PHLPP1: variants seen among roughly 807,000 people sequenced by gnomAD.
PHLPP1 encodes the protein PH domain and leucine rich repeat protein phosphatase 1, also known as PH domain leucine-rich repeat-containing protein phosphatase 1.
PHLPP1 carries 42 observed loss-of-function variants against 117.2 expected under a neutral mutation model. The ratio of observed to expected loss-of-function variants is 0.36; its 90% CI spans 0.28 to 0.46. The LOEUF (loss-of-function observed/expected upper bound fraction) is 0.46. Among genes scored for constraint, PHLPP1 ranks in the 20% least tolerant of loss-of-function variants. The pLI is 1.00. For missense variants in PHLPP1, 2,084 were observed against 2,241.9 expected, an observed-to-expected ratio of 0.93 and a Z score of 1.42; for synonymous variants, 1,042 against 970.7, an observed-to-expected ratio of 1.07 and a Z score of -1.37.
At chr18:62,893,875 G>A (rs1406794585) in intron 4 of PHLPP1, among the ~76,000 whole-genome samples, 1 of 152,168 alleles carries the variant, frequency 6.6e-6, no homozygotes, top group Non-Finnish European at 1.5e-5. Context: ...AACAAAAATA[G>A]AGGAAAAAGA....
intron 15 of PHLPP1, among the ~76,000 whole-genome samples, chr18:62,974,106 C>T (rs1911125366): frequency 6.6e-6 from 1 of 152,160 alleles, no homozygotes; most frequent in South Asian, 2.1e-4. Context: ...CACCCTCAAG[C>T]ACTGGGTAAG....
intron 6 of PHLPP1, among the ~76,000 whole-genome samples, 162 bp from the exon 7 acceptor site, chr18:62,902,802 C>G (rs1204236094): frequency 6.6e-6 from 1 of 152,162 alleles, no homozygotes; most frequent in East Asian, 1.9e-4. Flanking sequence ...AAAATAGATA[C>G]TCTGGCTAGT....
At chr18:62,912,891 G>A (rs770573314) in intron 8 of PHLPP1, among the ~76,000 whole-genome samples, 10 of 152,198 alleles carry the variant, frequency 6.6e-5, no homozygotes, top group Non-Finnish European at 1.0e-4. Context: ...AAAGGGCTGG[G>A]ATTATAGGCA....
At chr18:62,768,582 G>T (rs1042330375) in intron 1 of PHLPP1, among the ~76,000 whole-genome samples, 1 of 152,192 alleles carries the variant, frequency 6.6e-6, no homozygotes, top group African/African-American at 2.4e-5. Flanking sequence ...AAAATTCTCT[G>T]TCCTAAATTG....
In PHLPP1 at chr18:62,825,156, G is replaced by T. The variant is rs184508106; in HGVS notation, c.1577-4879G>T. On this transcript the variant is annotated intron_variant, in intron 1 of 16. Transcript: ENST00000262719. ...GTATTTTTAGTAGAGACGGGGTTTC[G>T]CCATCTTGGCCAGGCTGGTCTCGAG... 9.0e-4 allele frequency among the ~76,000 whole-genome samples: 136 copies of T among 151,244 alleles called. 1 individual carries two copies. Among genetic ancestry groups the T allele is most frequent in the Admixed American group, 2.4e-3 (36 of 15,174 alleles).
At chr18:62,949,605 T>C (rs941342525) in intron 12 of PHLPP1, among the ~76,000 whole-genome samples, 2 of 152,218 alleles carry the variant, frequency 1.3e-5, no homozygotes, top group Admixed American at 6.5e-5. Context: ...ATTAGTGTTA[T>C]TATCCTCACC....
At chr18:62,916,599 AGGGT>A in intron 9 of PHLPP1, among the ~76,000 whole-genome samples, 1 of 129,446 alleles carries the variant, frequency 7.7e-6, no homozygotes, top group African/African-American at 2.9e-5. Flanking sequence ...CATTAACAAG[AGGGT>A]GGGTGTGTGT....
chr18:62,899,052 G>A (rs550534214), intron 6 of PHLPP1, among the ~76,000 whole-genome samples: 4 of 152,016 alleles, frequency 2.6e-5, no homozygotes, highest in East Asian at 1.9e-4. Context: ...CAACTGCTTC[G>A]GCCTCCCAAA....
chr18:62,813,323 G>A (rs1233035391), intron 1 of PHLPP1, among the ~76,000 whole-genome samples: 2 of 152,134 alleles, frequency 1.3e-5, no homozygotes, highest in South Asian at 2.1e-4. Context: ...TCAGGCATTC[G>A]GGACTACTGA....
At chr18:62,771,035 G>A (rs535391287) in intron 1 of PHLPP1, among the ~76,000 whole-genome samples, 1 of 152,046 alleles carries the variant, frequency 6.6e-6, no homozygotes, top group South Asian at 2.1e-4. Flanking sequence ...CCAACATGGT[G>A]TAAACCTATC....
chr18:62,940,354 CTTTTTTTTTTT>C (rs66530466), intron 10 of PHLPP1, among the ~76,000 whole-genome samples: 16 of 46,814 alleles, frequency 3.4e-4, no homozygotes, highest in South Asian at 1.1e-3. Context: ...TCTTTCTTTT[CTTTTTTTTTTT>C]TTTTTTTTTT....
intron 10 of PHLPP1, among the ~76,000 whole-genome samples, chr18:62,939,481 C>T (rs148902024): frequency 6.6e-6 from 1 of 152,228 alleles, no homozygotes; most frequent in Non-Finnish European, 1.5e-5. Flanking sequence ...ATACTCTAAA[C>T]AGCGATGGTA....
chr18:62,844,646 A>C (rs969333609), intron 3 of PHLPP1, among the ~76,000 whole-genome samples: 1 of 152,194 alleles, frequency 6.6e-6, no homozygotes, highest in African/African-American at 2.4e-5. Flanking sequence ...TAACTCTAGA[A>C]GATGAGGACT....
intron 1 of PHLPP1, among the ~76,000 whole-genome samples, chr18:62,795,252 C>T (rs993071138): frequency 3.3e-5 from 5 of 151,792 alleles, no homozygotes; most frequent in East Asian, 1.9e-4. Context: ...CTGAGGTGGG[C>T]GGATTCCCTG....
chr18:62,823,817 T>C lies in PHLPP1; in HGVS notation c.1577-6218T>C, dbSNP rs1914532958. Among the ~76,000 whole-genome samples the C allele has an allele frequency of 3.9e-5, 6 of 152,078 alleles. No individual in the cohort carries two copies. In the South Asian group the frequency reaches 1.2e-3, roughly 32 times the overall value. On this transcript the variant is annotated intron_variant, in intron 1 of 16. Transcript: ENST00000262719. The stretch of plus-strand genomic sequence containing the variant: ...AAAACCATAAGGAGATACCACTACA[T>C]ATGCACTAGAATGGCTAAAAGTGTT...
chr18:62,939,638 C>CT (rs11373386), intron 10 of PHLPP1, among the ~76,000 whole-genome samples: 72,928 of 143,596 alleles, frequency 0.51, 18,149 homozygotes, highest in East Asian at 0.62. Flanking sequence ...CTCTAACTTC[C>CT]TTTTTTTTTT....
At chr18:62,826,103 A>G (rs560764598) in intron 1 of PHLPP1, 11 of 198,912 alleles carry the variant, frequency 5.5e-5, no homozygotes, top group Non-Finnish European at 1.2e-4. Context: ...TTATGGTCAA[A>G]TAAATCTACT....
intron 1 of PHLPP1, among the ~76,000 whole-genome samples, chr18:62,808,647 G>T (rs1914025044): frequency 6.6e-6 from 1 of 151,694 alleles, no homozygotes; most frequent in Non-Finnish European, 1.5e-5. Flanking sequence ...CGCCTCCTGG[G>T]TTCAAGCGAT....
chr18:62,951,951 A>G (rs1281982970), intron 12 of PHLPP1, among the ~76,000 whole-genome samples: 1 of 150,864 alleles, frequency 6.6e-6, no homozygotes, highest in Non-Finnish European at 1.5e-5. Flanking sequence ...AGTAGCTGGG[A>G]CTACAGGTGC....
Sources: gnomAD v4.1 joint callset for allele counts (sites outside exome capture counted in the v4.1 genomes callset) on GRCh38, gnomAD v4.1.1 for gene constraint, MANE v1.5 for transcripts, NCBI Gene and HGNC (gene_info 2026-07-23, HGNC 2026-07-21) for gene names.